TNC: variants seen among roughly 807,000 people sequenced by gnomAD.
The protein encoded by TNC is tenascin C, also known as tenascin.
A neutral mutation model predicts 202.4 loss-of-function variants in TNC; 109 were observed. The ratio of observed to expected loss-of-function variants is 0.54; its 90% CI spans 0.46 to 0.63. The LOEUF (loss-of-function observed/expected upper bound fraction) is 0.63. Among genes scored for constraint, TNC ranks in the 30% least tolerant of loss-of-function variants. The pLI is 0.00. For missense variants in TNC, 2,756 were observed against 2,833.3 expected (o/e 0.97, Z 0.62); for synonymous variants, 1,007 against 1,089.7 (o/e 0.92, Z 1.50).
chr9:115,084,176 G>A (rs765717352), intron 4 of TNC, 33 bp downstream of exon 4: 60 of 1,603,528 alleles, frequency 3.7e-5, no homozygotes, highest in African/African-American at 5.3e-5. Flanking sequence ...CTGACATCAG[G>A]TGAGGCTGCC....
intron 9 of TNC, 47 bp from the exon 10 acceptor site, chr9:115,073,913 G>A (rs775693255): frequency 4.5e-5 from 71 of 1,568,114 alleles, no homozygotes; most frequent in Non-Finnish European, 6.0e-5. Flanking sequence ...TGCAAGACAG[G>A]GCTGCTTCTG....
chr9:115,041,643 C>T (rs1465890442), intron 18 of TNC, among the ~76,000 whole-genome samples: 3 of 152,198 alleles, frequency 2.0e-5, no homozygotes, highest in Admixed American at 1.3e-4. Context: ...AGAGACAAAA[C>T]AGCATTCCTG....
chr9:115,042,107 A>T, intron 18 of TNC, 112 bp downstream of exon 18: 1 of 1,450,518 alleles, frequency 6.9e-7, no homozygotes, highest in South Asian at 1.5e-5. Flanking sequence ...CAAATAAAGA[A>T]TTCATTTTCT....
At chr9:115,046,289 A>C (rs995044037) in intron 17 of TNC, 121 bp downstream of exon 17, 15 of 1,165,780 alleles carry the variant, frequency 1.3e-5, no homozygotes, top group Non-Finnish European at 1.8e-5. Flanking sequence ...CTGTAATTGA[A>C]AGAGTCAGGA....
intron 4 of TNC, among the ~76,000 whole-genome samples, chr9:115,083,505 A>G (rs1834464884): frequency 6.6e-6 from 1 of 152,186 alleles, no homozygotes; most frequent in Non-Finnish European, 1.5e-5. Flanking sequence ...GACTTGGGAT[A>G]AGATGCTTAA....
In TNC at chr9:115,064,070, T is replaced by G. The variant is rs762664697; in HGVS notation, c.3488-2A>C. ...CCTCTCCCAAATTGGGAGTTTCCCC[T>G]GGAGAAGGACAAAGAACTAGTTTAG... On this transcript the variant is annotated splice_acceptor_variant, in intron 11 of 27. Coordinates refer to ENST00000350763, the MANE Select transcript of TNC (RefSeq NM_002160.4). LOFTEE classifies it high-confidence loss of function. 9 of 1,602,076 alleles carry G rather than the reference T, an allele frequency of 5.6e-6. No homozygotes were observed. The South Asian group carries it at 1.0e-4, about 18-fold the overall frequency.
At chr9:115,070,914 A>G (rs1398626718) in intron 10 of TNC, among the ~76,000 whole-genome samples, 1 of 152,098 alleles carries the variant, frequency 6.6e-6, no homozygotes, top group Non-Finnish European at 1.5e-5. Context: ...TAACACATCT[A>G]TGTTTGCCTC....
intron 25 of TNC, among the ~76,000 whole-genome samples, chr9:115,027,499 C>T (rs982652934): frequency 6.0e-5 from 9 of 151,156 alleles, no homozygotes; most frequent in African/African-American, 2.2e-4. Context: ...CTGAGGCAGG[C>T]GAATTGCTTG....
chr9:115,041,655 G>T (rs1830766718), intron 18 of TNC, among the ~76,000 whole-genome samples: 1 of 152,216 alleles, frequency 6.6e-6, no homozygotes, highest in South Asian at 2.1e-4. Flanking sequence ...GCATTCCTGT[G>T]AAGAGGTTAT....
At position 115,046,071 on chromosome 9, in the gene TNC, T is replaced by TA. The variant is rs1554796020; in HGVS notation, c.5125+338dup. ...GATAGAAGGAAGAATCTTTGGAACG[T>TA]AAAAAAAAAAAGATGATAATTGTAA... On this transcript the variant is annotated intron_variant, in intron 17 of 27. Transcript: ENST00000350763. Among the ~76,000 whole-genome samples, 1,136 of 117,962 alleles carry TA rather than the reference T, an allele frequency of 9.6e-3. 13 individuals carry two copies. Among genetic ancestry groups the TA allele is most frequent in the Non-Finnish European group, 0.011 (518 of 46,522 alleles). 77.4% of individuals were successfully genotyped at this position (117,962 alleles called of 152,430 possible). A position where few individuals can be genotyped will look rare whatever the true frequency, so the allele number is the denominator to read the frequency against.
chr9:115,047,548 A>G (rs1180173956), intron 16 of TNC, among the ~76,000 whole-genome samples: 1 of 152,164 alleles, frequency 6.6e-6, no homozygotes, highest in Admixed American at 6.5e-5. Context: ...GTGTTCTGAA[A>G]AGCCGTGCAG....
intron 17 of TNC, among the ~76,000 whole-genome samples, chr9:115,044,656 A>G (rs1201904773): frequency 6.6e-6 from 1 of 152,220 alleles, no homozygotes; most frequent in Admixed American, 6.5e-5. Context: ...TTCGAAGAAC[A>G]CTGTTTATAA....
In TNC at chr9:115,097,104, A is replaced by C. The variant is rs150752917; in HGVS notation, c.-136-5950T>G. Among the ~76,000 whole-genome samples the C allele has an allele frequency of 2.6e-5, 4 of 152,308 alleles. No individual in the cohort carries two copies. In the East Asian group the frequency reaches 7.7e-4, roughly 29 times the overall value. On this transcript the variant is annotated intron_variant, in intron 1 of 27. Transcript: ENST00000350763. ...TTCAGCCATCTAAACATTTCCATTA[A>C]TGAAGCAGTTGCGTGTGGGGGAAAG...
chr9:115,042,318 T>C lies in TNC; in HGVS notation c.5149A>G (p.Ile1717Val). The change falls in exon 18 of 28, where the codon ATT becomes GTT. Residue 1717 changes from isoleucine (I) to valine (V), a missense_variant. Around this residue, in one of 2 missense-constraint regions of TNC, gnomAD observed 2,559 missense variants for 2,546.0 expected, o/e 1.01. Coordinates refer to ENST00000350763, the MANE Select transcript of TNC (RefSeq NM_002160.4). ...TTAMGSPKEV[I>V]FSDITENSAT... is the part of the protein sequence containing the mutation. ...GAATTTTCAGTGATGTCTGAGAAAA[T>C]GACTTCCTTTGGGGAGCCCATGGCT... 1 of 1,614,088 alleles carries C rather than the reference T, an allele frequency of 6.2e-7. No individual in the cohort carries two copies. Among genetic ancestry groups the C allele is most frequent in the Non-Finnish European group, 8.5e-7 (1 of 1,179,964 alleles).
intron 10 of TNC, 46 bp from the exon 11 acceptor site, chr9:115,064,965 G>A (rs770307915): frequency 2.7e-5 from 43 of 1,580,790 alleles, no homozygotes; most frequent in Non-Finnish European, 3.2e-5. Context: ...TCCTCAGAAA[G>A]TTTTGCTTCT....
Position 115,084,211 on chromosome 9 carries a change from G to T in TNC, c.2129C>A (p.Thr710Lys). 1 of 1,613,592 alleles carries T rather than the reference G, an allele frequency of 6.2e-7. No individual in the cohort carries two copies. The highest frequency in any genetic ancestry group is 1.1e-5 in the South Asian group (1 of 91,014). ...KSIPVSARVA[T>K]YLPAPEGLKF... ...CCAAAAGAGTTCTGCTCACTCACAC[G>T]TGGCCACCCTGGCGCTGACAGGAAT... Residue 710 changes from threonine (T) to lysine (K), a missense_variant and splice_region_variant, in exon 4 of 28, where the codon ACG becomes AAG. By Grantham distance (78) the Thr-to-Lys change is moderately conservative (BLOSUM62 -1). Around this residue, in one of 2 missense-constraint regions of TNC, gnomAD observed 2,559 missense variants for 2,546.0 expected, o/e 1.01. Transcript: ENST00000350763.
chr9:115,038,108 G>A (rs533838278), intron 20 of TNC, among the ~76,000 whole-genome samples, 153 bp downstream of exon 20: 2 of 152,192 alleles, frequency 1.3e-5, no homozygotes, highest in African/African-American at 2.4e-5. Flanking sequence ...TGAGGTTTCA[G>A]TTGGGAGCCA....
intron 16 of TNC, 51 bp from the exon 17 acceptor site, chr9:115,046,733 C>T: frequency 6.3e-7 from 1 of 1,598,228 alleles, no homozygotes; most frequent in Non-Finnish European, 8.5e-7. Flanking sequence ...CATCATTTAC[C>T]AGTCCGTGCA....
chr9:115,079,435 A>G (rs1834130680), intron 6 of TNC, among the ~76,000 whole-genome samples: 2 of 152,140 alleles, frequency 1.3e-5, no homozygotes, highest in Admixed American at 1.3e-4. Flanking sequence ...GATGTCGCAA[A>G]AATGGACAGA....
Sources: allele counts gnomAD v4.1 joint callset (sites outside exome capture counted in the v4.1 genomes callset), GRCh38; gene constraint gnomAD v4.1.1; regional missense constraint gnomAD v4.1.1; transcripts MANE v1.5; gene names NCBI Gene and HGNC (gene_info 2026-07-23, HGNC 2026-07-21).